TMTC1: variants seen among roughly 807,000 people sequenced by gnomAD.
The protein encoded by TMTC1 is transmembrane O-mannosyltransferase targeting cadherins 1, also known as protein O-mannosyl-transferase TMTC1.
In TMTC1, 73 loss-of-function variants were observed where a neutral mutation model predicts 104.8. The observed-to-expected ratio is 0.70, with a 90% CI of 0.58 to 0.85. TMTC1 has a LOEUF of 0.85. Among genes scored for constraint, TMTC1 ranks in the 40% least tolerant of loss-of-function variants. The probability of loss-of-function intolerance (pLI) is 0.00; values close to 1 mark genes in which losing one functional copy is unlikely to be tolerated. For missense variants in TMTC1, 1,035 were observed against 1,096.1 expected (o/e 0.94, Z 0.79); for synonymous variants, 434 against 428.7 (o/e 1.01, Z -0.15).
At chr12:29,714,416 T>C (rs1280464976) in intron 5 of TMTC1, among the ~76,000 whole-genome samples, 5 of 152,328 alleles carry the variant, frequency 3.3e-5, no homozygotes, top group Admixed American at 6.5e-5. Flanking sequence ...TACTGCTTCA[T>C]TGAGGATATT....
intron 3 of TMTC1, among the ~76,000 whole-genome samples, chr12:29,757,850 A>G (rs1289733334): frequency 1.3e-5 from 2 of 152,132 alleles, no homozygotes; most frequent in African/African-American, 4.8e-5. Flanking sequence ...TTTTAAAACC[A>G]TCAGATCTCG....
intron 5 of TMTC1, among the ~76,000 whole-genome samples, chr12:29,709,074 GTTTT>G (rs1023363850): frequency 1.3e-5 from 2 of 152,048 alleles, no homozygotes; most frequent in Non-Finnish European, 2.9e-5. Flanking sequence ...TTTAAATACT[GTTTT>G]TGTTTATTTT....
At chr12:29,614,571 T>A (rs924095431) in intron 6 of TMTC1, among the ~76,000 whole-genome samples, 2 of 152,216 alleles carry the variant, frequency 1.3e-5, no homozygotes, top group African/African-American at 4.8e-5. Context: ...TATCAAATGC[T>A]TGTAATTTTC....
rs145115277 is a variant in TMTC1, at chr12:29,617,536, C to CAGAGAGAGAGAG, written c.1129-13249_1129-13238dup. On this transcript the variant is annotated intron_variant, in intron 6 of 17. Transcript: ENST00000539277. ...AAACATCAGTAAGCAAAACAGACAA[C>CAGAGAGAGAGAG]AGAGAGAGAGAGAGAGAGAGAGAGA... 8.0e-3 allele frequency among the ~76,000 whole-genome samples: 1,085 copies of CAGAGAGAGAGAG among 134,966 alleles called. 15 individuals carry two copies. Among genetic ancestry groups the CAGAGAGAGAGAG allele is most frequent in the African/African-American group, 0.022 (703 of 32,222 alleles). 88.5% of individuals were successfully genotyped at this position (134,966 alleles called of 152,430 possible). A position where few individuals can be genotyped will look rare whatever the true frequency, so the allele number is the denominator to read the frequency against.
At chr12:29,542,558 G>A (rs994974072) in intron 10 of TMTC1, among the ~76,000 whole-genome samples, 5 of 151,876 alleles carry the variant, frequency 3.3e-5, no homozygotes, top group Non-Finnish European at 5.9e-5. Context: ...CCAGGTGTTT[G>A]GTAAAGTGCA....
At chr12:29,550,816 G>A (rs531198593) in intron 10 of TMTC1, among the ~76,000 whole-genome samples, 3 of 151,870 alleles carry the variant, frequency 2.0e-5, no homozygotes, top group Non-Finnish European at 2.9e-5. Context: ...GAAGGTACAA[G>A]AAGTTGTGAA....
rs1945255839 is a variant in TMTC1 at position 29,556,785 on chromosome 12, A to G, written c.1676+72T>C. The stretch of plus-strand genomic sequence containing the variant: ...GAGAGAGGCAAGTGCAGCACAATCA[A>G]ATGAGTGTTGAGAAGGAAAGAGTTT... On this transcript the variant is annotated intron_variant, in intron 10 of 17. Coordinates refer to ENST00000539277, the MANE Select transcript of TMTC1 (RefSeq NM_001193451.2). 23 of 1,590,456 alleles carry G rather than the reference A, an allele frequency of 1.4e-5. No homozygotes were observed. The South Asian group carries it at 2.6e-4, about 18-fold the overall frequency.
chr12:29,677,521 C>T (rs190572881), intron 5 of TMTC1, among the ~76,000 whole-genome samples: 16 of 152,344 alleles, frequency 1.1e-4, no homozygotes, highest in East Asian at 7.7e-4. Flanking sequence ...CGTTATACCG[C>T]GGTAGCCCCC....
chr12:29,668,524 G>A (rs1290662853), intron 5 of TMTC1, among the ~76,000 whole-genome samples: 1 of 136,812 alleles, frequency 7.3e-6, no homozygotes, highest in Non-Finnish European at 1.5e-5. Flanking sequence ...GCAGTGGCAC[G>A]ATCTCAGCTC....
chr12:29,605,927 G>A (rs1305278512), intron 6 of TMTC1, among the ~76,000 whole-genome samples: 1 of 152,022 alleles, frequency 6.6e-6, no homozygotes, highest in African/African-American at 2.4e-5. Flanking sequence ...GTGTACCCAA[G>A]GTTTAGCTCC....
chr12:29,665,650 CTTTG>C (rs1940248515), intron 5 of TMTC1, among the ~76,000 whole-genome samples: 1 of 152,172 alleles, frequency 6.6e-6, no homozygotes, highest in Admixed American at 6.5e-5. Context: ...GACAAAGTTT[CTTTG>C]TTTGACCAAA....
chr12:29,556,239 C>G (rs1297795959), intron 10 of TMTC1, among the ~76,000 whole-genome samples: 1 of 152,166 alleles, frequency 6.6e-6, no homozygotes, highest in African/African-American at 2.4e-5. Flanking sequence ...AAGTAAAAAG[C>G]AAACACTAGA....
chr12:29,716,427 T>C (rs1296337255), intron 5 of TMTC1, among the ~76,000 whole-genome samples: 4 of 152,168 alleles, frequency 2.6e-5, no homozygotes, highest in South Asian at 2.1e-4. Context: ...CTCCAGAGTA[T>C]GTGCTTTTAA....
chr12:29,613,103 CTG>C (rs1946887536), intron 6 of TMTC1, among the ~76,000 whole-genome samples: 1 of 152,206 alleles, frequency 6.6e-6, no homozygotes. Flanking sequence ...GAATGTAACA[CTG>C]TGATCATCAC....
rs188806829 is a variant in TMTC1 at position 29,573,671 on chromosome 12, T to C, written c.1419-1453A>G. Among the ~76,000 whole-genome samples the C allele has an allele frequency of 2.6e-4, 39 of 152,294 alleles. 1 individual carries two copies. In the East Asian group the frequency reaches 5.8e-3, roughly 23 times the overall value. The stretch of plus-strand genomic sequence containing the variant: ...GATAAGAAGAAATGAAATTAGCCTC[T>C]GGAGGAAGAGGCAGCAGGAGGTCCT... On this transcript the variant is annotated intron_variant, in intron 8 of 17. Coordinates refer to ENST00000539277, the MANE Select transcript of TMTC1 (RefSeq NM_001193451.2).
chr12:29,587,622 C>T (rs964093367), intron 7 of TMTC1, among the ~76,000 whole-genome samples: 27 of 151,978 alleles, frequency 1.8e-4, no homozygotes, highest in African/African-American at 6.5e-4. Flanking sequence ...GTGATTCTTC[C>T]CAAAATTGAT....
At chr12:29,527,331 C>T (rs537835642) in intron 11 of TMTC1, among the ~76,000 whole-genome samples, 19 of 152,200 alleles carry the variant, frequency 1.2e-4, no homozygotes, top group Admixed American at 2.0e-4. Context: ...TGCATGTATA[C>T]AGTGAAACAG....
intron 5 of TMTC1, among the ~76,000 whole-genome samples, chr12:29,739,314 C>T (rs1165892138): frequency 6.6e-6 from 1 of 152,072 alleles, no homozygotes; most frequent in African/African-American, 2.4e-5. Flanking sequence ...CACACACATA[C>T]ACAGAGAGAG....
chr12:29,590,979 A>G (rs927950657), intron 7 of TMTC1, among the ~76,000 whole-genome samples: 1 of 152,156 alleles, frequency 6.6e-6, no homozygotes, highest in Non-Finnish European at 1.5e-5. Flanking sequence ...TAGTTTGTGG[A>G]TCCCTGCTAT....
Sources: gnomAD v4.1 joint callset for allele counts (sites outside exome capture counted in the v4.1 genomes callset) on GRCh38, gnomAD v4.1.1 for gene constraint, MANE v1.5 for transcripts, NCBI Gene and HGNC (gene_info 2026-07-23, HGNC 2026-07-21) for gene names.